IGSF11: variants seen among roughly 807,000 people sequenced by gnomAD.
IGSF11 encodes immunoglobulin superfamily member 11.
A neutral mutation model predicts 41.0 loss-of-function variants in IGSF11; 22 were observed. The observed-to-expected ratio is 0.54, with a 90% CI of 0.38 to 0.77. The LOEUF is 0.77. Among genes scored for constraint, IGSF11 ranks in the 30% least tolerant of loss-of-function variants. The pLI is 0.00. For missense variants in IGSF11, 444 were observed against 530.8 expected, an observed-to-expected ratio of 0.84 and a Z score of 1.61; for synonymous variants, 219 against 201.3, an observed-to-expected ratio of 1.09 and a Z score of -0.74.
Position 118,901,845 on chromosome 3 carries a change from A to T in IGSF11, c.*675T>A, listed in dbSNP as rs187218967. 2.6e-5 allele frequency: 4 copies of T among 152,292 alleles called. No homozygotes were observed. In the East Asian group the frequency reaches 7.7e-4, roughly 29 times the overall value. The allele number at this position is 152,292 out of a possible 1,614,324, so 9.4% of individuals were successfully genotyped here. ...TGTAACAGATCCTAGAATAACACAG[A>T]CAGGCAAGAATCTGTCAATATAGCA... On this transcript the variant is annotated 3_prime_UTR_variant, in exon 7 of 7. Coordinates refer to ENST00000393775, the MANE Select transcript of IGSF11 (RefSeq NM_001015887.3).
At chr3:118,942,766 T>C (rs1943797382) in intron 1 of IGSF11, among the ~76,000 whole-genome samples, 1 of 152,252 alleles carries the variant, frequency 6.6e-6, no homozygotes, top group African/African-American at 2.4e-5. Context: ...TGTATTCCTT[T>C]ATCTTGTCGG....
intron 1 of IGSF11, among the ~76,000 whole-genome samples, chr3:118,999,090 T>C (rs952045809): frequency 2.0e-5 from 3 of 152,012 alleles, no homozygotes; most frequent in Non-Finnish European, 4.4e-5. Context: ...ATGGGTAATA[T>C]AACTCTAGAA....
chr3:119,053,635 A>C (rs1254951083), intron 1 of IGSF11, among the ~76,000 whole-genome samples: 1 of 152,148 alleles, frequency 6.6e-6, no homozygotes, highest in East Asian at 1.9e-4. Context: ...CAAAATACCA[A>C]CATCATTCTT....
At chr3:118,906,643 G>C (rs1457121842) in intron 4 of IGSF11, among the ~76,000 whole-genome samples, 1 of 152,124 alleles carries the variant, frequency 6.6e-6, no homozygotes, top group Non-Finnish European at 1.5e-5. Flanking sequence ...AAATTTTCAA[G>C]GCCACTGCAC....
intron 1 of IGSF11, among the ~76,000 whole-genome samples, chr3:119,101,944 A>G (rs1180034980): frequency 6.6e-6 from 1 of 152,232 alleles, no homozygotes; most frequent in Non-Finnish European, 1.5e-5. Context: ...TTTTAAATAC[A>G]TGTACTTTCA....
rs202158196 is a variant in IGSF11 at position 118,906,010 on chromosome 3, G to A, written c.581-292C>T. On this transcript the variant is annotated intron_variant, in intron 4 of 6. Coordinates refer to ENST00000393775, the MANE Select transcript of IGSF11 (RefSeq NM_001015887.3). ...GTTAGTAGACTTCCCTGAGGAAATG[G>A]TAGCTAATACTTATCCTAGGGAATT... 9.9e-5 allele frequency among the ~76,000 whole-genome samples: 15 copies of A among 152,254 alleles called. No individual in the cohort carries two copies. The South Asian group carries it at 2.9e-3, about 30-fold the overall frequency.
intron 1 of IGSF11, among the ~76,000 whole-genome samples, chr3:118,972,734 C>T (rs1409099031): frequency 6.6e-6 from 1 of 152,148 alleles, no homozygotes; most frequent in Non-Finnish European, 1.5e-5. Flanking sequence ...ATAAGTGAAA[C>T]ATTTTCAGAT....
intron 1 of IGSF11, among the ~76,000 whole-genome samples, chr3:118,930,529 G>A (rs928548911): frequency 3.9e-5 from 6 of 152,196 alleles, no homozygotes; most frequent in Non-Finnish European, 8.8e-5. Context: ...TATCTGATAT[G>A]TGGCCAGATT....
chr3:118,956,773 T>C (rs1173820312), intron 1 of IGSF11, among the ~76,000 whole-genome samples: 2 of 152,116 alleles, frequency 1.3e-5, no homozygotes, highest in African/African-American at 2.4e-5. Context: ...GTTTGAGATA[T>C]TGTGAAAATT....
At chr3:119,074,495 C>G (rs1434174178) in intron 1 of IGSF11, among the ~76,000 whole-genome samples, 1 of 151,638 alleles carries the variant, frequency 6.6e-6, no homozygotes. Flanking sequence ...AGTGGAATCT[C>G]TGGGACACAG....
At chr3:119,003,918 T>A (rs1102594) in intron 1 of IGSF11, among the ~76,000 whole-genome samples, 53,471 of 142,514 alleles carry the variant, frequency 0.38, 12,762 homozygotes, top group African/African-American at 0.67. Flanking sequence ...ATTGGTCTAA[T>A]ATTCTCTTTT....
chr3:119,032,320 C>A (rs1259952045), intron 1 of IGSF11, among the ~76,000 whole-genome samples: 4 of 152,136 alleles, frequency 2.6e-5, no homozygotes, highest in Admixed American at 2.0e-4. Flanking sequence ...TCATTCAAAC[C>A]AAGTTTGCCC....
rs768498956 is a variant in IGSF11 at position 118,928,730 on chromosome 3, C to T, written c.217-14G>A. ...ATACAGGATGACCTGGAAAAGAAAG[C>T]AAAATAAATAAACTGGCCACTCTAT... On this transcript the variant is annotated splice_polypyrimidine_tract_variant and intron_variant, in intron 2 of 6. Transcript: ENST00000393775. The T allele has an allele frequency of 6.2e-7, 1 of 1,602,682 alleles. No individual in the cohort carries two copies. The highest frequency in any genetic ancestry group is 1.1e-5 in the South Asian group (1 of 90,144).
intron 1 of IGSF11, among the ~76,000 whole-genome samples, chr3:119,032,240 G>A (rs1940473092): frequency 6.6e-6 from 1 of 151,998 alleles, no homozygotes; most frequent in Non-Finnish European, 1.5e-5. Flanking sequence ...CTTTGTAATG[G>A]AACCAGCTTT....
At chr3:119,042,596 C>T (rs1464615711) in intron 1 of IGSF11, among the ~76,000 whole-genome samples, 1 of 152,142 alleles carries the variant, frequency 6.6e-6, no homozygotes, top group Non-Finnish European at 1.5e-5. Flanking sequence ...CTCCTACCCC[C>T]CACAGTGGTG....
At chr3:118,963,476 A>G (rs988283746) in intron 1 of IGSF11, among the ~76,000 whole-genome samples, 2 of 152,212 alleles carry the variant, frequency 1.3e-5, no homozygotes, top group African/African-American at 2.4e-5. Flanking sequence ...TGATCATGTG[A>G]TATCTTTATT....
chr3:119,021,846 A>G (rs562657305), intron 1 of IGSF11, among the ~76,000 whole-genome samples: 1 of 152,340 alleles, frequency 6.6e-6, no homozygotes, highest in Admixed American at 6.5e-5. Flanking sequence ...TCAATTAAGA[A>G]CTTCTGTTCT....
intron 1 of IGSF11, among the ~76,000 whole-genome samples, chr3:119,056,577 A>G (rs2107445117): frequency 1.3e-5 from 2 of 152,338 alleles, no homozygotes; most frequent in Non-Finnish European, 2.9e-5. Flanking sequence ...TTCTGAAACT[A>G]TTCCAATTAA....
chr3:118,913,251 A>G (rs1940582594), intron 4 of IGSF11, among the ~76,000 whole-genome samples: 1 of 152,142 alleles, frequency 6.6e-6, no homozygotes, highest in Non-Finnish European at 1.5e-5. Flanking sequence ...AAGAAGAGAA[A>G]AGGCTATATT....
Sources: allele counts gnomAD v4.1 joint callset (sites outside exome capture counted in the v4.1 genomes callset), GRCh38; gene constraint gnomAD v4.1.1; transcripts MANE v1.5; gene names NCBI Gene and HGNC (gene_info 2026-07-23, HGNC 2026-07-21).